LHFPL3: variants seen among roughly 807,000 people sequenced by gnomAD.
The protein encoded by LHFPL3 is LHFPL tetraspan subfamily member 3.
A neutral mutation model predicts 19.3 loss-of-function variants in LHFPL3; 5 were observed. The observed-to-expected ratio is 0.26, with a 90% CI of 0.14 to 0.54. The LOEUF (loss-of-function observed/expected upper bound fraction) is 0.54. Ranked by LOEUF, LHFPL3 falls within the 20% of genes least tolerant of loss-of-function variation. LHFPL3 has a pLI of 0.94. For synonymous variants in LHFPL3, 133 were observed against 126.2 expected, an observed-to-expected ratio of 1.05 and a Z score of -0.36; for missense variants, 249 against 307.4, an observed-to-expected ratio of 0.81 and a Z score of 1.42.
chr7:104,787,342 T>G (rs1187220925), intron 2 of LHFPL3, among the ~76,000 whole-genome samples: 3 of 152,072 alleles, frequency 2.0e-5, no homozygotes, highest in East Asian at 3.8e-4. Context: ...AACAATAGGT[T>G]TGGGGTGGTT....
At chr7:104,784,164 C>A (rs963751099) in intron 2 of LHFPL3, among the ~76,000 whole-genome samples, 2 of 152,198 alleles carry the variant, frequency 1.3e-5, no homozygotes, top group Admixed American at 1.3e-4. Context: ...GACTCTCAAT[C>A]TTTAAATGTA....
At chr7:104,426,629 C>T (rs910324705) in intron 1 of LHFPL3, among the ~76,000 whole-genome samples, 1 of 152,120 alleles carries the variant, frequency 6.6e-6, no homozygotes, top group African/African-American at 2.4e-5. Context: ...GAAAAGGACC[C>T]AATAAAGAGA....
chr7:104,640,283 C>G (rs1159658212), intron 1 of LHFPL3, among the ~76,000 whole-genome samples: 1 of 152,104 alleles, frequency 6.6e-6, no homozygotes, highest in Non-Finnish European at 1.5e-5. Flanking sequence ...TTCTCCCAAC[C>G]CTCCAACAGG....
chr7:104,829,687 T>C (rs1216869475), intron 2 of LHFPL3, among the ~76,000 whole-genome samples: 4 of 151,938 alleles, frequency 2.6e-5, no homozygotes, highest in Non-Finnish European at 5.9e-5. Flanking sequence ...TGCATAGTAT[T>C]CCATGGTGTA....
At chr7:104,812,803 C>CGGGGAG (rs1562800943) in intron 2 of LHFPL3, among the ~76,000 whole-genome samples, 1 of 31,334 alleles carries the variant, frequency 3.2e-5, no homozygotes, top group East Asian at 1.2e-3. Context: ...GACTCCATCT[C>CGGGGAG]AAAAAAAAAA....
chr7:104,770,146 T>A (rs1394441368), intron 2 of LHFPL3, among the ~76,000 whole-genome samples: 6 of 152,078 alleles, frequency 3.9e-5, no homozygotes, highest in Non-Finnish European at 7.4e-5. Flanking sequence ...ACACTGTATC[T>A]CTTACAGAGT....
At chr7:104,866,248 G>A (rs576135487) in intron 2 of LHFPL3, among the ~76,000 whole-genome samples, 112 of 152,246 alleles carry the variant, frequency 7.4e-4, no homozygotes, top group Middle Eastern at 3.4e-3. Flanking sequence ...ATGTAAATGG[G>A]CTAAATGCTC....
intron 2 of LHFPL3, among the ~76,000 whole-genome samples, chr7:104,744,951 A>G (rs1794012183): frequency 6.7e-6 from 1 of 148,278 alleles, no homozygotes; most frequent in South Asian, 2.2e-4. Context: ...AATAACATCT[A>G]TATTCTGATT....
At chr7:104,573,239 C>A (rs1790261122) in intron 1 of LHFPL3, among the ~76,000 whole-genome samples, 1 of 151,914 alleles carries the variant, frequency 6.6e-6, no homozygotes, top group African/African-American at 2.4e-5. Flanking sequence ...ATAGTGAAAC[C>A]CCATCTTTGT....
chr7:104,701,202 G>A (rs1471547882), intron 1 of LHFPL3, among the ~76,000 whole-genome samples: 1 of 152,092 alleles, frequency 6.6e-6, no homozygotes, highest in Non-Finnish European at 1.5e-5. Flanking sequence ...TAGTGTTGCT[G>A]ATAAGCCTGA....
At chr7:104,413,815 C>T (rs1334310374) in intron 1 of LHFPL3, among the ~76,000 whole-genome samples, 1 of 152,152 alleles carries the variant, frequency 6.6e-6, no homozygotes, top group Non-Finnish European at 1.5e-5. Context: ...AAAAAAATAA[C>T]CGTACTCTAT....
chr7:104,811,087 C>A (rs1318327364), intron 2 of LHFPL3, among the ~76,000 whole-genome samples: 2 of 152,192 alleles, frequency 1.3e-5, no homozygotes, highest in African/African-American at 4.8e-5. Flanking sequence ...CAAAGGCAAC[C>A]TGCCTAAAAT....
At chr7:104,547,618 G>A (rs1307838333) in intron 1 of LHFPL3, among the ~76,000 whole-genome samples, 1 of 152,160 alleles carries the variant, frequency 6.6e-6, no homozygotes, top group East Asian at 1.9e-4. Flanking sequence ...TGATGGCAGA[G>A]GCAGACTGGG....
intron 2 of LHFPL3, among the ~76,000 whole-genome samples, chr7:104,875,023 T>A (rs879482644): frequency 6.6e-6 from 1 of 151,118 alleles, no homozygotes; most frequent in Non-Finnish European, 1.5e-5. Flanking sequence ...ATGTATTTTT[T>A]TTTTTAGAGA....
chr7:104,420,766 G>T (rs1791716903), intron 1 of LHFPL3, among the ~76,000 whole-genome samples: 2 of 151,994 alleles, frequency 1.3e-5, no homozygotes, highest in Admixed American at 1.3e-4. Flanking sequence ...GTTTCACCGT[G>T]TTAGCCAGGA....
intron 1 of LHFPL3, among the ~76,000 whole-genome samples, chr7:104,498,244 G>A (rs1793526100): frequency 6.6e-6 from 1 of 151,934 alleles, no homozygotes; most frequent in Admixed American, 6.6e-5. Context: ...GTGGATATGT[G>A]ACAACAAAGT....
intron 1 of LHFPL3, among the ~76,000 whole-genome samples, chr7:104,567,124 A>G (rs1790139025): frequency 6.6e-6 from 1 of 152,248 alleles, no homozygotes; most frequent in Admixed American, 6.5e-5. Context: ...TTTAGATGGT[A>G]CTGTCTTTCA....
chr7:104,414,735 G>A (rs1791590577), intron 1 of LHFPL3, among the ~76,000 whole-genome samples: 1 of 152,188 alleles, frequency 6.6e-6, no homozygotes, highest in Non-Finnish European at 1.5e-5. Flanking sequence ...TCCAAAACAG[G>A]CTCTTTGCAT....
At chr7:104,750,611 C>A (rs913122804) in intron 2 of LHFPL3, among the ~76,000 whole-genome samples, 3 of 152,366 alleles carry the variant, frequency 2.0e-5, no homozygotes, top group Non-Finnish European at 2.9e-5. Context: ...GGGCCATATA[C>A]CCCTGTGGGG....
Sources: gnomAD v4.1 joint callset for allele counts (sites outside exome capture counted in the v4.1 genomes callset) on GRCh38, gnomAD v4.1.1 for gene constraint, MANE v1.5 for transcripts, NCBI Gene and HGNC (gene_info 2026-07-23, HGNC 2026-07-21) for gene names.